Variants in PPFIA1 observed in about 807,000 individuals in gnomAD.
PPFIA1 encodes PPFI scaffold protein A1.
A neutral mutation model predicts 149.9 loss-of-function variants in PPFIA1; 25 were observed. The observed-to-expected ratio is 0.17, with a 90% CI of 0.12 to 0.23. PPFIA1 has a LOEUF of 0.23. PPFIA1 is among the 10% of genes least tolerant of loss of function. PPFIA1 has a pLI of 1.00. For missense variants in PPFIA1, 1,362 were observed against 1,506.5 expected (o/e 0.90, Z 1.59); for synonymous variants, 549 against 552.8 (o/e 0.99, Z 0.10).
At chr11:70,340,522 C>A (rs1358701893) in intron 14 of PPFIA1, among the ~76,000 whole-genome samples, 1 of 152,192 alleles carries the variant, frequency 6.6e-6, no homozygotes, top group Non-Finnish European at 1.5e-5. Flanking sequence ...TACCTTCTTT[C>A]TTTGGTCTGT....
intron 16 of PPFIA1, among the ~76,000 whole-genome samples, chr11:70,351,912 CTG>C (rs2056078146): frequency 6.6e-6 from 1 of 152,216 alleles, no homozygotes; most frequent in Non-Finnish European, 1.5e-5. Context: ...TTAGAGATAA[CTG>C]TGGATTGGGC....
intron 2 of PPFIA1, among the ~76,000 whole-genome samples, chr11:70,317,263 T>C (rs2053691155): frequency 6.6e-6 from 1 of 152,198 alleles, no homozygotes; most frequent in African/African-American, 2.4e-5. Context: ...CTATTTTTTT[T>C]TCTGCAATAA....
rs1591337584 is a variant in PPFIA1 at position 70,360,366 on chromosome 11, T to TA, written c.2583-1723dup. Among the ~76,000 whole-genome samples, 7 of 152,316 alleles carry TA rather than the reference T, an allele frequency of 4.6e-5. No individual in the cohort carries two copies. In the East Asian group the frequency reaches 1.2e-3, roughly 25 times the overall value. Reference sequence around the variant, plus strand: ...TTTACAGTGAGTATCTATTACATGTTAAAAAACGAAGTCTCTGGCAGAGTG... The same window carrying TA: ...TTTACAGTGAGTATCTATTACATGTTAAAAAAACGAAGTCTCTGGCAGAGTG... On this transcript the variant is annotated intron_variant, in intron 19 of 27. Coordinates refer to ENST00000253925, the MANE Select transcript of PPFIA1 (RefSeq NM_003626.5).
chr11:70,337,827 T>C (rs931405586), intron 12 of PPFIA1, among the ~76,000 whole-genome samples: 37 of 152,364 alleles, frequency 2.4e-4, no homozygotes, highest in African/African-American at 8.9e-4. Context: ...AATGTATTAA[T>C]AGAAACAAGT....
intron 21 of PPFIA1, chr11:70,371,434 A>ATATTC (rs1183799909): frequency 5.6e-4 from 1 of 1,800 alleles, no homozygotes; most frequent in Non-Finnish European, 9.7e-4. Flanking sequence ...GGCGTGTTCT[A>ATATTC]TGTTCTCTTG....
Position 70,354,450 on chromosome 11 carries a change from G to A in PPFIA1, c.2313G>A (p.Arg771=), listed in dbSNP as rs767518511. The A allele has an allele frequency of 2.5e-6, 4 of 1,611,678 alleles. No homozygotes were observed. Among genetic ancestry groups the A allele is most frequent in the Non-Finnish European group, 3.4e-6 (4 of 1,179,224 alleles). The change falls in exon 17 of 28, where the codon AGG becomes AGA. Residue 771 remains arginine (R), a splice_region_variant and synonymous_variant. Transcript: ENST00000253925. ...GCCACGAGGACATCAGGGACATAAG[G>A]AAGTAAGGAGCCTGCAGCAGCCCCA... is the stretch of plus-strand genomic sequence containing the variant. ...TVSHEDIRDI[R]NSTGSQDGPV... is the part of the protein sequence containing the mutation.
intron 14 of PPFIA1, among the ~76,000 whole-genome samples, chr11:70,342,994 C>T (rs1038466934): frequency 2.4e-5 from 3 of 126,434 alleles, no homozygotes; most frequent in African/African-American, 9.2e-5. Context: ...GTCGCCCAGG[C>T]TGGAGTGCAG....
chr11:70,355,682 A>G lies in PPFIA1; in HGVS notation c.2359A>G (p.Ser787Gly), dbSNP rs1337858619. 2 of 1,613,924 alleles carry G rather than the reference A, an allele frequency of 1.2e-6. No homozygotes were observed. The highest frequency in any genetic ancestry group is 1.7e-6 in the Non-Finnish European group (2 of 1,179,940). The change falls in exon 18 of 28, where the codon AGC becomes GGC. Residue 787 changes from serine (S) to glycine (G), a missense_variant. This residue lies in a region of PPFIA1 where 733 missense variants were observed against 744.1 expected (regional missense o/e 0.99). Coordinates refer to ENST00000253925, the MANE Select transcript of PPFIA1 (RefSeq NM_003626.5). ...QDGPVSNPSS[S>G]NSSQDSLHKA... ...TGGTCCCGTGAGCAACCCCAGCAGT[A>G]GCAACAGTAGCCAGGACTCGCTCCA... is the stretch of plus-strand genomic sequence containing the variant.
chr11:70,355,097 GTTTCA>G (rs1254169802), intron 17 of PPFIA1, among the ~76,000 whole-genome samples: 3 of 151,984 alleles, frequency 2.0e-5, no homozygotes, highest in African/African-American at 7.3e-5. Flanking sequence ...TAAAGATGGG[GTTTCA>G]CCATGCTGGC....
At chr11:70,346,835 C>G (rs1010272826) in intron 15 of PPFIA1, among the ~76,000 whole-genome samples, 1 of 152,100 alleles carries the variant, frequency 6.6e-6, no homozygotes, top group Non-Finnish European at 1.5e-5. Context: ...GTAAGTAGAA[C>G]TTTAATTGGA....
chr11:70,289,770 G>A (rs2051400092), intron 2 of PPFIA1, among the ~76,000 whole-genome samples: 1 of 152,168 alleles, frequency 6.6e-6, no homozygotes, highest in Admixed American at 6.5e-5. Flanking sequence ...GGCTCACTGT[G>A]CCCAGCCAAG....
chr11:70,357,454 T>G (rs952430602), intron 19 of PPFIA1, among the ~76,000 whole-genome samples: 4 of 152,196 alleles, frequency 2.6e-5, no homozygotes, highest in African/African-American at 9.7e-5. Flanking sequence ...TGATTATATT[T>G]TAGGTAAAAT....
chr11:70,333,459 T>G lies in PPFIA1; in HGVS notation c.1213-11T>G. On this transcript the variant is annotated splice_polypyrimidine_tract_variant and intron_variant, in intron 9 of 27. Transcript: ENST00000253925. ...AAGGATGACGTCAGCGTACGCTGTT[T>G]CTGCTGACAGGCTGAAGAGAGACAC... 1 of 1,610,358 alleles carries G rather than the reference T, an allele frequency of 6.2e-7. No individual in the cohort carries two copies. Among genetic ancestry groups the G allele is most frequent in the Non-Finnish European group, 8.5e-7 (1 of 1,178,000 alleles).
At chr11:70,364,742 G>A (rs1379183677) in intron 21 of PPFIA1, 1 of 152,176 alleles carries the variant, frequency 6.6e-6, no homozygotes, top group Non-Finnish European at 1.5e-5. Flanking sequence ...TGAAGGTGCT[G>A]AGTGGTTTCT....
At position 70,354,351 on chromosome 11, in the gene PPFIA1, T is replaced by C. The variant is rs760426842; in HGVS notation, c.2214T>C (p.Cys738=). 6.9e-5 allele frequency: 111 copies of C among 1,613,900 alleles called. No individual in the cohort carries two copies. Among genetic ancestry groups the C allele is most frequent in the Non-Finnish European group, 9.2e-5 (109 of 1,180,022 alleles). The part of the protein sequence containing the change: ...EVRDDKTTIK[C]ETSPPSSPRA... ...GAGATGACAAGACAACCATAAAGTGTGAAACCTCCCCGCCTTCCTCCCCGA... is the reference window on the plus strand; with the variant it reads ...GAGATGACAAGACAACCATAAAGTGCGAAACCTCCCCGCCTTCCTCCCCGA... Residue 738 remains cysteine (C), a synonymous_variant, in exon 17 of 28, where the codon TGT becomes TGC. Coordinates refer to ENST00000253925, the MANE Select transcript of PPFIA1 (RefSeq NM_003626.5).
At chr11:70,288,949 C>G (rs577310789) in intron 2 of PPFIA1, among the ~76,000 whole-genome samples, 2 of 146,618 alleles carry the variant, frequency 1.4e-5, no homozygotes, top group African/African-American at 5.0e-5. Context: ...GCCACTGTCA[C>G]GGGGGTAGCA....
Position 70,379,622 on chromosome 11 carries a change from A to AT in PPFIA1, c.3550+1427_3550+1428insT, listed in dbSNP as rs1555130474. 4.4e-3 allele frequency among the ~76,000 whole-genome samples: 672 copies of AT among 151,718 alleles called. 6 individuals are homozygous for AT. Among genetic ancestry groups the AT allele is most frequent in the African/African-American group, 0.015 (630 of 41,244 alleles). On this transcript the variant is annotated intron_variant, in intron 26 of 27. Coordinates refer to ENST00000253925, the MANE Select transcript of PPFIA1 (RefSeq NM_003626.5). The stretch of plus-strand genomic sequence containing the variant: ...TGAGACCCCATCTCTAAAAAAAAAA[A>AT]AATAATAATTGAAAACTGTGCGAAT...
chr11:70,324,518 TC>T lies in PPFIA1; in HGVS notation c.366+16del, dbSNP rs760249008. On this transcript the variant is annotated intron_variant, in intron 3 of 27. Transcript: ENST00000253925. The stretch of plus-strand genomic sequence containing the variant: ...ATAACACCAGGGTGAGTGTGACCTT[TC>T]TGTTCACTGCCTGCCCCTGGAGCCA... The T allele has an allele frequency of 6.3e-6, 10 of 1,580,256 alleles. No individual in the cohort carries two copies. The South Asian group carries it at 1.1e-4, about 18-fold the overall frequency.
At chr11:70,309,506 CAATTATATGTGTTT>C (rs1205864258) in intron 2 of PPFIA1, among the ~76,000 whole-genome samples, 9 of 151,868 alleles carry the variant, frequency 5.9e-5, no homozygotes, top group Admixed American at 4.6e-4. Flanking sequence ...TTATTCTATG[CAATTATATGTGTTT>C]AAGTATTGAA....
Sources: allele counts gnomAD v4.1 joint callset (sites outside exome capture counted in the v4.1 genomes callset), GRCh38; gene constraint gnomAD v4.1.1; regional missense constraint gnomAD v4.1.1; transcripts MANE v1.5; gene names NCBI Gene and HGNC (gene_info 2026-07-23, HGNC 2026-07-21).